Variants in PIAS2 observed in about 807,000 individuals in gnomAD.
PIAS2 encodes the protein protein inhibitor of activated STAT 2.
PIAS2 carries 19 observed loss-of-function variants against 69.7 expected under a neutral mutation model. The ratio of observed to expected loss-of-function variants is 0.27; its 90% confidence interval spans 0.19 to 0.40. The LOEUF (loss-of-function observed/expected upper bound fraction) is 0.40, where lower values mean the gene tolerates loss of function less well. PIAS2 is among the 10% of genes least tolerant of loss of function. The probability of loss-of-function intolerance (pLI) is 1.00; values close to 1 mark genes in which losing one functional copy is unlikely to be tolerated. For missense variants in PIAS2, 624 were observed against 757.0 expected, an observed-to-expected ratio of 0.82 and a Z score of 2.06; for synonymous variants, 261 against 263.2, an observed-to-expected ratio of 0.99 and a Z score of 0.08.
In PIAS2 at chr18:46,880,567, T is replaced by C. The variant is rs151075617; in HGVS notation, c.499+10013A>G. Among the ~76,000 whole-genome samples, 956 of 152,296 alleles carry C rather than the reference T, an allele frequency of 6.3e-3. 7 individuals carry two copies. Among genetic ancestry groups the C allele is most frequent in the African/African-American group, 0.022 (898 of 41,558 alleles). The stretch of plus-strand genomic sequence containing the variant: ...TGTGAATAACCACTGCACTCCAGCC[T>C]GGGCAACACAGTGAGACCCCCGTCT... On this transcript the variant is annotated intron_variant, in intron 2 of 13. Coordinates refer to ENST00000585916, the MANE Select transcript of PIAS2 (RefSeq NM_004671.5).
intron 1 of PIAS2, chr18:46,914,923 C>T (rs2057651318): frequency 6.6e-6 from 1 of 152,118 alleles, no homozygotes; most frequent in African/African-American, 2.4e-5. Flanking sequence ...TTTTGAGAAT[C>T]CAAGATTATT....
At chr18:46,847,901 TA>T (rs1421559872) in intron 5 of PIAS2, among the ~76,000 whole-genome samples, 1 of 152,166 alleles carries the variant, frequency 6.6e-6, no homozygotes, top group Non-Finnish European at 1.5e-5. Flanking sequence ...TTTAGAAAAT[TA>T]AAATGTCTTA....
intron 1 of PIAS2, among the ~76,000 whole-genome samples, chr18:46,909,455 C>T (rs2057008714): frequency 6.6e-6 from 1 of 152,058 alleles, no homozygotes; most frequent in Non-Finnish European, 1.5e-5. Context: ...ACCATTTTAC[C>T]CAGGCTGGTC....
Position 46,810,462 on chromosome 18 carries a change from C to T in PIAS2, c.*1971G>A, listed in dbSNP as rs2040926159. ...CTGTATTTAGAGCAGCAACATAAAA[C>T]TTTATTAGAAAGAAATACTATATCT... On this transcript the variant is annotated 3_prime_UTR_variant, in exon 14 of 14. Coordinates refer to ENST00000585916, the MANE Select transcript of PIAS2 (RefSeq NM_004671.5). 1 of 152,022 alleles carries T rather than the reference C, an allele frequency of 6.6e-6. No individual in the cohort carries two copies. The allele number at this position is 152,022 out of a possible 1,614,324, so 9.4% of individuals were successfully genotyped here.
chr18:46,916,858 A>C, intron 1 of PIAS2: 1 of 985,508 alleles, frequency 1.0e-6, no homozygotes, highest in Non-Finnish European at 1.2e-6. Flanking sequence ...AGCCATAAGA[A>C]GAGGAGAGAT....
chr18:46,905,180 C>T (rs1250237228), intron 1 of PIAS2, among the ~76,000 whole-genome samples: 1 of 152,150 alleles, frequency 6.6e-6, no homozygotes, highest in Non-Finnish European at 1.5e-5. Flanking sequence ...ATTGGCATCA[C>T]ACTCAAACAG....
chr18:46,908,934 T>TG lies in PIAS2; in HGVS notation c.24+8387dup, dbSNP rs1371420552. On this transcript the variant is annotated intron_variant, in intron 1 of 13. Coordinates refer to ENST00000585916, the MANE Select transcript of PIAS2 (RefSeq NM_004671.5). Reference sequence around the variant, plus strand: ...TGAGACAGGAGAATCTCTTGAACCTTGGGGGTGGAGGGTGCAGTAAACTGA... The same window carrying TG: ...TGAGACAGGAGAATCTCTTGAACCTTGGGGGGTGGAGGGTGCAGTAAACTGA... Among the ~76,000 whole-genome samples the TG allele has an allele frequency of 3.3e-5, 5 of 152,092 alleles. No individual in the cohort carries two copies. In the East Asian group the frequency reaches 9.7e-4, roughly 29 times the overall value.
intron 1 of PIAS2, among the ~76,000 whole-genome samples, chr18:46,914,777 C>T (rs1282711310): frequency 6.6e-6 from 1 of 152,058 alleles, no homozygotes; most frequent in Non-Finnish European, 1.5e-5. Context: ...AAATATGTGG[C>T]ATCCAGATCG....
chr18:46,825,568 G>A (rs1054432888), intron 11 of PIAS2, among the ~76,000 whole-genome samples: 4 of 152,064 alleles, frequency 2.6e-5, no homozygotes, highest in South Asian at 2.1e-4. Context: ...TCACCTTCCC[G>A]TTCCCCTGCT....
At chr18:46,818,360 T>C (rs1370770288) in intron 12 of PIAS2, 1 of 1,532,212 alleles carries the variant, frequency 6.5e-7, no homozygotes, top group South Asian at 1.3e-5. Context: ...ATACAAATTA[T>C]TTGTTTTATT....
chr18:46,843,133 C>G (rs1369573712), intron 8 of PIAS2, among the ~76,000 whole-genome samples: 2 of 152,160 alleles, frequency 1.3e-5, no homozygotes, highest in Admixed American at 6.5e-5. Context: ...GTTAGCCAAC[C>G]TCATTCAGTC....
intron 1 of PIAS2, chr18:46,906,450 T>A (rs2056605568): frequency 1.3e-5 from 2 of 152,038 alleles, no homozygotes; most frequent in Admixed American, 6.5e-5. Context: ...TAAAGATAAT[T>A]AATCACAATT....
intron 1 of PIAS2, chr18:46,907,465 C>T (rs973766673): frequency 3.5e-4 from 54 of 152,238 alleles, no homozygotes; most frequent in African/African-American, 1.2e-3. Context: ...GAACCAACTA[C>T]AACTACAGAC....
intron 2 of PIAS2, among the ~76,000 whole-genome samples, chr18:46,886,039 A>T (rs1202319503): frequency 6.6e-6 from 1 of 152,230 alleles, no homozygotes; most frequent in Admixed American, 6.5e-5. Context: ...AGGAAAGAGA[A>T]AAGGACAAGG....
chr18:46,873,496 A>T (rs2050689418), intron 2 of PIAS2, among the ~76,000 whole-genome samples: 2 of 152,338 alleles, frequency 1.3e-5, no homozygotes, highest in Non-Finnish European at 2.9e-5. Context: ...GCAGAAGTAG[A>T]GTCAGGAAGA....
At chr18:46,898,718 G>A (rs932445205) in intron 1 of PIAS2, among the ~76,000 whole-genome samples, 1 of 152,176 alleles carries the variant, frequency 6.6e-6, no homozygotes, top group African/African-American at 2.4e-5. Context: ...TTGAGGCCGG[G>A]TGCAGTGGCT....
chr18:46,891,286 A>C (rs2054038446), intron 1 of PIAS2: 1 of 631,156 alleles, frequency 1.6e-6, no homozygotes, highest in South Asian at 1.7e-5. Context: ...TAATTTTGGT[A>C]ATCTATAGTC....
At chr18:46,836,620 A>T (rs1318425075) in intron 8 of PIAS2, 103 bp from the exon 9 acceptor site, 5 of 748,402 alleles carry the variant, frequency 6.7e-6, no homozygotes, top group Non-Finnish European at 8.7e-6. Context: ...CAAGAAGATG[A>T]TAAAAATGAA....
At position 46,831,365 on chromosome 18, in the gene PIAS2, A is replaced by G. The variant is rs925856036; in HGVS notation, c.1203-1498T>C. ...AAACTACAAAACACTGTTGAGACAAATAAACAGAAAGATACATCCTGTTCA... is the reference window on the plus strand; with the variant it reads ...AAACTACAAAACACTGTTGAGACAAGTAAACAGAAAGATACATCCTGTTCA... On this transcript the variant is annotated intron_variant, in intron 9 of 13. Coordinates refer to ENST00000585916, the MANE Select transcript of PIAS2 (RefSeq NM_004671.5). 2.0e-5 allele frequency among the ~76,000 whole-genome samples: 3 copies of G among 152,356 alleles called. No homozygotes were observed. The East Asian group carries it at 5.8e-4, about 29-fold the overall frequency.
Sources: allele counts gnomAD v4.1 joint callset (sites outside exome capture counted in the v4.1 genomes callset), GRCh38; gene constraint gnomAD v4.1.1; transcripts MANE v1.5; gene names NCBI Gene and HGNC (gene_info 2026-07-23, HGNC 2026-07-21).